IQGAP2: variants seen among roughly 807,000 people sequenced by gnomAD.
IQGAP2 encodes the protein IQ motif containing GTPase activating protein 2.
A neutral mutation model predicts 201.3 loss-of-function variants in IQGAP2; 173 were observed. The observed-to-expected ratio is 0.86, with a 90% CI of 0.76 to 0.98. The LOEUF (loss-of-function observed/expected upper bound fraction) is 0.98. IQGAP2 is among the 50% of genes least tolerant of loss of function. IQGAP2 has a pLI of 0.00. For synonymous variants in IQGAP2, 675 were observed against 673.9 expected, an observed-to-expected ratio of 1.00 and a Z score of -0.03; for missense variants, 1,687 against 1,864.8, an observed-to-expected ratio of 0.90 and a Z score of 1.76.
At chr5:76,495,687 A>G (rs1038146527) in intron 2 of IQGAP2, among the ~76,000 whole-genome samples, 32 of 152,224 alleles carry the variant, frequency 2.1e-4, no homozygotes, top group African/African-American at 7.5e-4. Context: ...CTGCTTCTGG[A>G]GAGGGCCTCA....
At chr5:76,650,631 T>TA (rs1252672758) in intron 17 of IQGAP2, among the ~76,000 whole-genome samples, 6 of 152,354 alleles carry the variant, frequency 3.9e-5, no homozygotes, top group South Asian at 2.1e-4. Context: ...TACTCTTTTT[T>TA]TATATATATA....
intron 2 of IQGAP2, among the ~76,000 whole-genome samples, chr5:76,492,142 G>A (rs1017790385): frequency 3.3e-5 from 5 of 152,230 alleles, no homozygotes; most frequent in African/African-American, 7.2e-5. Flanking sequence ...GGGATTCGGA[G>A]AAGTTTGAGA....
At chr5:76,446,313 G>A (rs76923007) in intron 1 of IQGAP2, among the ~76,000 whole-genome samples, 4,249 of 151,974 alleles carry the variant, frequency 0.028, 207 homozygotes, top group African/African-American at 0.098. Flanking sequence ...AGCAATACAC[G>A]CAGGTTTCAT....
At chr5:76,451,489 T>C (rs898666239) in intron 1 of IQGAP2, among the ~76,000 whole-genome samples, 4 of 152,186 alleles carry the variant, frequency 2.6e-5, no homozygotes, top group African/African-American at 4.8e-5. Flanking sequence ...CTTTAGGCCG[T>C]TGGGCCTTCT....
intron 35 of IQGAP2, among the ~76,000 whole-genome samples, chr5:76,703,889 G>A (rs971730093): frequency 1.3e-5 from 2 of 152,122 alleles, no homozygotes; most frequent in African/African-American, 4.8e-5. Context: ...GTGAATTCTG[G>A]CCTCACTGTC....
chr5:76,610,402 A>G (rs986173031), intron 12 of IQGAP2, among the ~76,000 whole-genome samples: 2 of 151,778 alleles, frequency 1.3e-5, no homozygotes, highest in Non-Finnish European at 2.9e-5. Context: ...CACACCCACT[A>G]GGATGGCTGT....
rs758802106 is a variant in IQGAP2 at position 76,654,966 on chromosome 5, G to A, written c.2283G>A (p.Leu761=). 1.2e-6 allele frequency: 2 copies of A among 1,613,006 alleles called. No homozygotes were observed. Among genetic ancestry groups the A allele is most frequent in the East Asian group, 2.2e-5 (1 of 44,844 alleles). ...AAATTGTGAAAATACAGTCACTGTT[G>A]AGAGCGAACAAAGCTAGAGATGACT... The part of the protein sequence containing the change: ...NNEIVKIQSL[L]RANKARDDYK... The change falls in exon 20 of 36, where the codon TTG becomes TTA. Residue 761 remains leucine, a synonymous_variant. Transcript: ENST00000274364.
intron 2 of IQGAP2, among the ~76,000 whole-genome samples, chr5:76,545,903 G>A (rs1323587009): frequency 6.6e-6 from 1 of 152,148 alleles, no homozygotes; most frequent in Non-Finnish European, 1.5e-5. Flanking sequence ...TATATAATCA[G>A]TTATTACTTC....
intron 2 of IQGAP2, among the ~76,000 whole-genome samples, chr5:76,493,906 C>T (rs138466338): frequency 1.6e-3 from 246 of 152,328 alleles, no homozygotes; most frequent in African/African-American, 5.7e-3. Context: ...CCCTTGGTAT[C>T]CTCGGGGAAT....
At chr5:76,456,265 C>A (rs923473840) in intron 1 of IQGAP2, among the ~76,000 whole-genome samples, 1 of 152,206 alleles carries the variant, frequency 6.6e-6, no homozygotes, top group East Asian at 1.9e-4. Flanking sequence ...CAGTCTCTTT[C>A]ATCGTTTCAG....
In IQGAP2 at chr5:76,585,566, T is replaced by A. The variant is rs147546955; in HGVS notation, c.459-3340T>A. Among the ~76,000 whole-genome samples, 135 of 152,020 alleles carry A rather than the reference T, an allele frequency of 8.9e-4. 2 individuals are homozygous for A. The East Asian group carries it at 0.021, about 24-fold the overall frequency. On this transcript the variant is annotated intron_variant, in intron 5 of 35. Coordinates refer to ENST00000274364, the MANE Select transcript of IQGAP2 (RefSeq NM_006633.5). ...TTCACTCTTGCTGCCCAGGCTGGAA[T>A]GCAATGGTGCAAATTCAGCTCACCA... is the stretch of plus-strand genomic sequence containing the variant.
chr5:76,505,106 G>A (rs1757536608), intron 2 of IQGAP2, among the ~76,000 whole-genome samples: 2 of 152,166 alleles, frequency 1.3e-5, no homozygotes, highest in Non-Finnish European at 2.9e-5. Flanking sequence ...TGGCCTGTAT[G>A]GCACCCTCAC....
chr5:76,567,068 C>T (rs971764625), intron 3 of IQGAP2, among the ~76,000 whole-genome samples: 3 of 152,142 alleles, frequency 2.0e-5, no homozygotes, highest in Non-Finnish European at 4.4e-5. Context: ...ATAATAAATT[C>T]TTGTCAAATA....
intron 17 of IQGAP2, among the ~76,000 whole-genome samples, chr5:76,644,084 C>G (rs1302919801): frequency 2.0e-5 from 3 of 151,904 alleles, no homozygotes; most frequent in Non-Finnish European, 4.4e-5. Flanking sequence ...GTGTATCAAG[C>G]CAGATTTCCC....
Position 76,548,545 on chromosome 5 carries a change from A to G in IQGAP2, c.147-13851A>G, listed in dbSNP as rs530610373. Reference sequence around the variant, plus strand: ...AAGTGATTTGTCAGAGCAGAGTGGCAGAGAGGTGTCCTGCAGAGGTGACAA... The same window carrying G: ...AAGTGATTTGTCAGAGCAGAGTGGCGGAGAGGTGTCCTGCAGAGGTGACAA... On this transcript the variant is annotated intron_variant, in intron 2 of 35. Transcript: ENST00000274364. Among the ~76,000 whole-genome samples, 4 of 152,368 alleles carry G rather than the reference A, an allele frequency of 2.6e-5. 1 individual carries two copies. Among genetic ancestry groups the G allele is most frequent in the African/African-American group, 9.6e-5 (4 of 41,592 alleles).
At chr5:76,515,927 G>C (rs1758291036) in intron 2 of IQGAP2, among the ~76,000 whole-genome samples, 3 of 142,058 alleles carry the variant, frequency 2.1e-5, no homozygotes, top group South Asian at 2.2e-4. Flanking sequence ...ACCCAGGCTG[G>C]AGTGCAATGG....
At chr5:76,532,700 T>A (rs925514503) in intron 2 of IQGAP2, among the ~76,000 whole-genome samples, 3 of 152,156 alleles carry the variant, frequency 2.0e-5, no homozygotes, top group Non-Finnish European at 4.4e-5. Flanking sequence ...CAGACAGCCC[T>A]AGAGGACTGG....
chr5:76,496,768 TCTTTCTTTCTTTCTTTCTTTCTTTC>T (rs1756993324), intron 2 of IQGAP2, among the ~76,000 whole-genome samples: 2 of 118,164 alleles, frequency 1.7e-5, no homozygotes. Flanking sequence ...TTTCTTTCTT[TCTTTCTTTCTTTCTTTCTTTCTTTC>T]TCTTTCTTTC....
chr5:76,647,842 CACACACACAA>C (rs1270669112), intron 17 of IQGAP2, among the ~76,000 whole-genome samples: 1 of 151,764 alleles, frequency 6.6e-6, no homozygotes, highest in African/African-American at 2.4e-5. Flanking sequence ...CACACACACA[CACACACACAA>C]ACGAAAAAAA....
Sources: gnomAD v4.1 joint callset for allele counts (sites outside exome capture counted in the v4.1 genomes callset) on GRCh38, gnomAD v4.1.1 for gene constraint, MANE v1.5 for transcripts, NCBI Gene and HGNC (gene_info 2026-07-23, HGNC 2026-07-21) for gene names.